The following IRAK3 variants were observed in gnomAD, a reference collection of about 807,000 sequenced individuals.
IRAK3 encodes the protein interleukin-1 receptor-associated kinase 3.
IRAK3 carries 57 observed loss-of-function variants against 56.6 expected under a neutral mutation model. The ratio of observed to expected loss-of-function variants is 1.01; its 90% confidence interval spans 0.81 to 1.26. The LOEUF (loss-of-function observed/expected upper bound fraction) is 1.26, where lower values mean the gene tolerates loss of function less well. Ranked by LOEUF, IRAK3 falls within the 50% of genes most tolerant of loss-of-function variation. IRAK3 has a pLI of 0.00. For synonymous variants in IRAK3, 258 were observed against 255.7 expected (o/e 1.01, Z -0.09); for missense variants, 703 against 719.0 (o/e 0.98, Z 0.25).
chr12:66,235,014 T>C (rs2052887513), intron 8 of IRAK3: 3 of 1,613,584 alleles, frequency 1.9e-6, no homozygotes, highest in Non-Finnish European at 2.5e-6. Context: ...TTATGCAAAA[T>C]TGCGTTTGTG....
chr12:66,197,769 G>C (rs374910481), intron 1 of IRAK3: 1 of 985,194 alleles, frequency 1.0e-6, no homozygotes, highest in African/African-American at 1.7e-5. Context: ...AGCTCATTTG[G>C]CATCTGTTCA....
intron 2 of IRAK3, among the ~76,000 whole-genome samples, chr12:66,208,776 A>G (rs953381164): frequency 1.4e-5 from 2 of 138,240 alleles, no homozygotes; most frequent in Non-Finnish European, 3.1e-5. Flanking sequence ...AAAAAGAAAA[A>G]AGGCCCAGTG....
chr12:66,203,598 AAG>A, intron 1 of IRAK3, 111 bp from the exon 2 acceptor site: 1 of 965,556 alleles, frequency 1.0e-6, no homozygotes. Flanking sequence ...AGTTATAAAT[AAG>A]AGGAAAGTTA....
intron 5 of IRAK3, 25 bp downstream of exon 5, chr12:66,211,622 G>A (rs371221479): frequency 1.3e-6 from 2 of 1,576,356 alleles, no homozygotes; most frequent in Admixed American, 3.3e-5. Flanking sequence ...ACTGTCACAG[G>A]ACATCAGTTC....
intron 6 of IRAK3, 91 bp downstream of exon 6, chr12:66,217,326 CAT>C: frequency 1.0e-6 from 1 of 956,724 alleles, no homozygotes; most frequent in South Asian, 1.3e-5. Context: ...CTTGGCGTGA[CAT>C]GTAATAAATT....
chr12:66,223,990 A>G (rs1030354902), intron 6 of IRAK3, among the ~76,000 whole-genome samples: 1 of 152,092 alleles, frequency 6.6e-6, no homozygotes, highest in African/African-American at 2.4e-5. Flanking sequence ...AACTACAACA[A>G]CAGCTTGTCT....
At position 66,248,351 on chromosome 12, in the gene IRAK3, T is replaced by C; in HGVS notation, c.*180T>C. 1 of 544,546 alleles carries C rather than the reference T, an allele frequency of 1.8e-6. No homozygotes were observed. The allele number at this position is 544,546 out of a possible 1,614,324, so 33.7% of individuals were successfully genotyped here. On this transcript the variant is annotated 3_prime_UTR_variant, in exon 12 of 12. Coordinates refer to ENST00000261233, the MANE Select transcript of IRAK3 (RefSeq NM_007199.3). Reference sequence around the variant, plus strand: ...TTTTTTCCCAAACCCTCAAACAGAGTGCCTTAAAAAATTGTTTTATCAGGA... The same window carrying C: ...TTTTTTCCCAAACCCTCAAACAGAGCGCCTTAAAAAATTGTTTTATCAGGA...
chr12:66,218,759 C>T (rs1174061443), intron 6 of IRAK3, among the ~76,000 whole-genome samples: 1 of 152,170 alleles, frequency 6.6e-6, no homozygotes, highest in Non-Finnish European at 1.5e-5. Flanking sequence ...CCATGCTGTA[C>T]TTTAGATCCC....
intron 8 of IRAK3, among the ~76,000 whole-genome samples, chr12:66,230,166 G>C (rs563031946): frequency 1.3e-5 from 2 of 152,298 alleles, no homozygotes; most frequent in East Asian, 3.9e-4. Flanking sequence ...AAGGTGATTT[G>C]GATGTGCCTA....
chr12:66,189,792 ATTT>A (rs1419300815), intron 1 of IRAK3, among the ~76,000 whole-genome samples: 1 of 152,154 alleles, frequency 6.6e-6, no homozygotes, highest in Non-Finnish European at 1.5e-5. Flanking sequence ...CCAGAACATC[ATTT>A]TAGTATTGAG....
chr12:66,212,600 A>G (rs1388409884), intron 5 of IRAK3, among the ~76,000 whole-genome samples: 1 of 152,250 alleles, frequency 6.6e-6, no homozygotes, highest in African/African-American at 2.4e-5. Flanking sequence ...TGAAATAGCC[A>G]GGAAAACAAA....
chr12:66,192,286 G>A (rs577124068), intron 1 of IRAK3, among the ~76,000 whole-genome samples: 1 of 151,998 alleles, frequency 6.6e-6, no homozygotes, highest in Non-Finnish European at 1.5e-5. Context: ...AATCACTTTT[G>A]TCAAGTATTG....
intron 8 of IRAK3, chr12:66,234,080 T>C (rs141561682): frequency 9.3e-6 from 15 of 1,613,824 alleles, no homozygotes; most frequent in Non-Finnish European, 1.3e-5. Flanking sequence ...CAGTTACTTA[T>C]TAGGTTGAAA....
intron 8 of IRAK3, 68 bp from the exon 9 acceptor site, chr12:66,244,418 A>C: frequency 1.8e-6 from 2 of 1,127,784 alleles, no homozygotes; most frequent in Non-Finnish European, 2.7e-6. Flanking sequence ...GTGAGTTTAT[A>C]GTATGTTTGT....
chr12:66,199,139 A>G (rs750057199), intron 1 of IRAK3, among the ~76,000 whole-genome samples: 4 of 152,190 alleles, frequency 2.6e-5, no homozygotes, highest in Non-Finnish European at 4.4e-5. Flanking sequence ...TCTTGTTGGA[A>G]TGTTCATTTT....
At chr12:66,240,495 T>C (rs1565811405) in intron 8 of IRAK3, among the ~76,000 whole-genome samples, 1 of 152,132 alleles carries the variant, frequency 6.6e-6, no homozygotes, top group Non-Finnish European at 1.5e-5. Flanking sequence ...AGTGCACACT[T>C]AAGTTGGGGT....
chr12:66,197,111 G>A, intron 1 of IRAK3: 1 of 1,307,908 alleles, frequency 7.6e-7, no homozygotes, highest in Non-Finnish European at 9.7e-7. Context: ...GAACTTCTTA[G>A]GTTGACTTTT....
Position 66,226,797 on chromosome 12 carries a change from A to G in IRAK3, c.728A>G (p.Tyr243Cys), listed in dbSNP as rs141426986. The G allele has an allele frequency of 3.7e-6, 6 of 1,607,804 alleles. No homozygotes were observed. The highest frequency in any genetic ancestry group is 5.1e-6 in the Non-Finnish European group (6 of 1,174,314). ...GAGAAGTTCTGTCTGATTTATCCAT[A>G]CATGAGAAATGGAACACTTTTTGAC... ...ETEKFCLIYP[Y>C]MRNGTLFDRL... Residue 243 changes from tyrosine (Y) to cysteine (C), a missense_variant, in exon 7 of 12, where the codon TAC becomes TGC. Tyr to Cys is a radical substitution (Grantham distance 194). Transcript: ENST00000261233.
chr12:66,248,476 C>A lies in IRAK3; in HGVS notation c.*305C>A. ...GCCAAACAAAACAATCAAAACCTAC[C>A]AAAAAGGGACTGGATTGTAATGTCC... On this transcript the variant is annotated 3_prime_UTR_variant, in exon 12 of 12. Coordinates refer to ENST00000261233, the MANE Select transcript of IRAK3 (RefSeq NM_007199.3). 1 of 263,212 alleles carries A rather than the reference C, an allele frequency of 3.8e-6. No homozygotes were observed. Among genetic ancestry groups the A allele is most frequent in the Non-Finnish European group, 7.4e-6 (1 of 135,798 alleles). The allele number at this position is 263,212 out of a possible 1,614,324, so 16.3% of individuals were successfully genotyped here.
Sources: allele counts gnomAD v4.1 joint callset (sites outside exome capture counted in the v4.1 genomes callset), GRCh38; gene constraint gnomAD v4.1.1; transcripts MANE v1.5; gene names NCBI Gene and HGNC (gene_info 2026-07-23, HGNC 2026-07-21).